DUT: variants seen among roughly 807,000 people sequenced by gnomAD.
The protein encoded by DUT is deoxyuridine triphosphatase, also known as deoxyuridine 5'-triphosphate nucleotidohydrolase, mitochondrial.
Under a neutral mutation model 28.8 loss-of-function variants are expected in DUT, and 21 were observed. The ratio of observed to expected loss-of-function variants is 0.73; its 90% CI spans 0.52 to 1.05. DUT has a LOEUF of 1.05. DUT is among the 50% of genes least tolerant of loss of function. The pLI is 0.00. For synonymous variants in DUT, 147 were observed against 143.7 expected (o/e 1.02, Z -0.17); for missense variants, 344 against 351.8 (o/e 0.98, Z 0.18).
At chr15:48,332,124 C>T (rs890874268) in intron 1 of DUT, 144 bp from the exon 2 acceptor site, 3 of 1,400,120 alleles carry the variant, frequency 2.1e-6, no homozygotes, top group African/African-American at 1.5e-5. Flanking sequence ...TGGACTCGTC[C>T]CGGGGAGGGG....
At chr15:48,332,747 T>C (rs2141157616) in intron 2 of DUT, 1 of 535,022 alleles carries the variant, frequency 1.9e-6, no homozygotes, top group East Asian at 4.7e-5. Context: ...GGTGAGAGCC[T>C]AGATGTGAGC....
chr15:48,335,908 T>C, intron 3 of DUT, 138 bp from the exon 4 acceptor site: 2 of 686,328 alleles, frequency 2.9e-6, no homozygotes, highest in Admixed American at 3.5e-5. Flanking sequence ...TATTCTTTAA[T>C]TCAAAACCAT....
intron 2 of DUT, 149 bp from the exon 3 acceptor site, chr15:48,334,268 A>G: frequency 2.2e-6 from 1 of 463,290 alleles, no homozygotes; most frequent in Non-Finnish European, 3.8e-6. Context: ...TGAATTGGTA[A>G]TTCATCATAG....
intron 4 of DUT, among the ~76,000 whole-genome samples, chr15:48,336,889 T>C (rs1483170956): frequency 6.6e-6 from 1 of 152,188 alleles, no homozygotes; most frequent in East Asian, 1.9e-4. Context: ...CATGGATATG[T>C]GGTAAAAACT....
chr15:48,331,185 G>A (rs1303719957), upstream of DUT: 16 of 1,518,546 alleles, frequency 1.1e-5, no homozygotes, highest in South Asian at 7.3e-5. Flanking sequence ...GGGCGGTGCC[G>A]CCCCAGGTAA....
intron 6 of DUT, 86 bp downstream of exon 6, chr15:48,341,671 G>A: frequency 2.7e-6 from 3 of 1,113,540 alleles, no homozygotes; most frequent in Non-Finnish European, 3.9e-6. Context: ...TTAATATGCT[G>A]TTTGTAACTA....
At position 48,332,378 on chromosome 15, in the gene DUT, G is replaced by T; in HGVS notation, c.391G>T (p.Ala131Ser). The T allele has an allele frequency of 1.3e-6, 2 of 1,584,976 alleles. No homozygotes were observed. Among genetic ancestry groups the T allele is most frequent in the South Asian group, 2.3e-5 (2 of 88,296 alleles). ...EHATAPTRGS[A>S]RAAGYDLYSA... ...CGCCACGGCCCCCACCCGGGGCTCC[G>T]CGCGCGCCGCGGGCTACGACCTGTA... Residue 131 changes from alanine (A) to serine (S), a missense_variant, in exon 2 of 7, where the codon GCG (alanine) becomes TCG (serine). Physicochemically the swap from Ala to Ser is moderately conservative, Grantham distance 99. Coordinates refer to ENST00000331200, the MANE Select transcript of DUT (RefSeq NM_001025248.2).
chr15:48,341,085 A>G (rs2042529365), intron 4 of DUT: 2 of 428,456 alleles, frequency 4.7e-6, no homozygotes, highest in Non-Finnish European at 8.2e-6. Context: ...TTGGAAAATT[A>G]GGACCTGTTT....
intron 1 of DUT, 200 bp downstream of exon 1, chr15:48,331,995 C>T (rs997489065): frequency 3.3e-6 from 3 of 902,948 alleles, no homozygotes; most frequent in Non-Finnish European, 3.1e-6. Flanking sequence ...CAAAGTTGGC[C>T]CCACGCGCTG....
At chr15:48,334,328 A>C in intron 2 of DUT, 89 bp from the exon 3 acceptor site, 2 of 821,510 alleles carry the variant, frequency 2.4e-6, no homozygotes, top group Non-Finnish European at 3.7e-6. Flanking sequence ...AAATACACTG[A>C]AAGTAATTTT....
At chr15:48,333,126 G>A (rs2042436722) in intron 2 of DUT, among the ~76,000 whole-genome samples, 1 of 151,772 alleles carries the variant, frequency 6.6e-6, no homozygotes, top group Non-Finnish European at 1.5e-5. Context: ...CATTAAGGTA[G>A]GAGAAAAGTA....
chr15:48,341,759 A>T (rs1259970640), intron 6 of DUT, 174 bp downstream of exon 6: 1 of 637,830 alleles, frequency 1.6e-6, no homozygotes, highest in Non-Finnish European at 2.7e-6. Context: ...TTTTTCATGT[A>T]GCTATTATGT....
chr15:48,341,009 G>A, intron 4 of DUT: 1 of 277,996 alleles, frequency 3.6e-6, no homozygotes, highest in Non-Finnish European at 6.7e-6. Flanking sequence ...ACAGTAGGTT[G>A]GAGATGGCCA....
intron 1 of DUT, chr15:48,332,022 T>C (rs2042418671): frequency 3.1e-6 from 3 of 975,272 alleles, no homozygotes; most frequent in Non-Finnish European, 4.2e-6. Context: ...GAAAGTTGAC[T>C]GGGACCCAGT....
upstream of DUT, chr15:48,331,196 A>T (rs956889222): frequency 6.6e-7 from 1 of 1,520,168 alleles, no homozygotes; most frequent in Admixed American, 2.0e-5. Flanking sequence ...CCCCAGGTAA[A>T]TCAGTCCAGG....
chr15:48,338,864 T>C (rs1205283655), intron 4 of DUT, among the ~76,000 whole-genome samples: 1 of 152,200 alleles, frequency 6.6e-6, no homozygotes, highest in Non-Finnish European at 1.5e-5. Context: ...AGGTTGGGCG[T>C]TGTGGCTCAT....
intron 4 of DUT, among the ~76,000 whole-genome samples, chr15:48,340,736 TA>T (rs2042524637): frequency 6.6e-6 from 1 of 152,140 alleles, no homozygotes. Context: ...TGGTTCAGAT[TA>T]AAAGGAGAGG....
chr15:48,331,996 C>T (rs1049955652), intron 1 of DUT: 222 of 905,220 alleles, frequency 2.5e-4, no homozygotes, highest in Non-Finnish European at 2.9e-4. Flanking sequence ...AAAGTTGGCC[C>T]CACGCGCTGA....
chr15:48,334,886 G>A (rs1316955845), intron 3 of DUT, among the ~76,000 whole-genome samples: 1 of 152,200 alleles, frequency 6.6e-6, no homozygotes, highest in Admixed American at 6.5e-5. Context: ...TGTTGTAGAG[G>A]CACTGGGAGG....
Sources: allele counts gnomAD v4.1 joint callset (sites outside exome capture counted in the v4.1 genomes callset), GRCh38; gene constraint gnomAD v4.1.1; transcripts MANE v1.5; gene names NCBI Gene and HGNC (gene_info 2026-07-23, HGNC 2026-07-21).